NRXN3: variants seen among roughly 807,000 people sequenced by gnomAD.
NRXN3 encodes neurexin 3, also known as neurexin III.
A neutral mutation model predicts 137.6 loss-of-function variants in NRXN3; 32 were observed. The ratio of observed to expected loss-of-function variants is 0.23; its 90% CI spans 0.18 to 0.31. The LOEUF (loss-of-function observed/expected upper bound fraction) is 0.31. Among genes scored for constraint, NRXN3 ranks in the 10% least tolerant of loss-of-function variants. The pLI is 1.00. For synonymous variants in NRXN3, 798 were observed against 784.5 expected (o/e 1.02, Z -0.29); for missense variants, 1,574 against 2,062.5 (o/e 0.76, Z 4.59).
intron 20 of NRXN3, among the ~76,000 whole-genome samples, chr14:79,860,272 G>A (rs920009372): frequency 6.6e-6 from 1 of 152,162 alleles, no homozygotes; most frequent in African/African-American, 2.4e-5. Context: ...GGATATCTAG[G>A]CTGAGTATTT....
Position 78,300,807 on chromosome 14 carries a change from A to G in NRXN3, c.757+2947A>G, listed in dbSNP as rs2076797752. ...TCCAGATTATAAATTAATGCTTTTA[A>G]CAACAACTGAAAAATAAGAATAAAA... On this transcript the variant is annotated intron_variant, in intron 4 of 20. Coordinates refer to ENST00000335750, the MANE Select transcript of NRXN3 (RefSeq NM_001330195.2). 4 of 688,958 alleles carry G rather than the reference A, an allele frequency of 5.8e-6. No individual in the cohort carries two copies. The South Asian group carries it at 7.6e-5, about 13-fold the overall frequency. The allele number at this position is 688,958 out of a possible 1,614,324, so 42.7% of individuals were successfully genotyped here.
chr14:79,857,331 C>T (rs1039661622), intron 20 of NRXN3, among the ~76,000 whole-genome samples: 101 of 152,138 alleles, frequency 6.6e-4, no homozygotes, highest in Non-Finnish European at 1.2e-3. Flanking sequence ...ACGCCATTCT[C>T]CTGCCTCAGC....
At chr14:78,253,655 A>G (rs1295812068) in intron 2 of NRXN3, among the ~76,000 whole-genome samples, 1 of 152,184 alleles carries the variant, frequency 6.6e-6, no homozygotes, top group Non-Finnish European at 1.5e-5. Context: ...AGCCTGGGCA[A>G]CAGAGTGAGA....
At chr14:78,717,875 C>T (rs569170062) in intron 8 of NRXN3, among the ~76,000 whole-genome samples, 8 of 152,204 alleles carry the variant, frequency 5.3e-5, no homozygotes, top group African/African-American at 1.7e-4. Context: ...TGGCAGATGT[C>T]TATAGGGAAA....
In NRXN3 at chr14:79,321,681, T is replaced by C. The variant is rs1454310017; in HGVS notation, c.3263-145540T>C. Among the ~76,000 whole-genome samples the C allele has an allele frequency of 1.3e-5, 2 of 151,420 alleles. 1 individual carries two copies. Among genetic ancestry groups the C allele is most frequent in the Middle Eastern group, 6.4e-3 (2 of 312 alleles). ...ATAGTTCCTGGCATTGGGCAACTAG[T>C]ATAAGGAATGCTGCAAAAAAAATCC... On this transcript the variant is annotated intron_variant, in intron 15 of 20. Coordinates refer to ENST00000335750, the MANE Select transcript of NRXN3 (RefSeq NM_001330195.2).
chr14:79,608,783 T>G lies in NRXN3; in HGVS notation c.3445-54995T>G, dbSNP rs191724637. ...AAAAACACCTGTCCCCATTTGTTGA[T>G]TTTTTTTTTCCTGCATATACTTAAA... On this transcript the variant is annotated intron_variant, in intron 16 of 20. Coordinates refer to ENST00000335750, the MANE Select transcript of NRXN3 (RefSeq NM_001330195.2). Among the ~76,000 whole-genome samples, 558 of 150,368 alleles carry G rather than the reference T, an allele frequency of 3.7e-3. 3 individuals are homozygous for G. The highest frequency in any genetic ancestry group is 0.013 in the African/African-American group (532 of 40,978).
At chr14:79,051,259 T>C in intron 15 of NRXN3, among the ~76,000 whole-genome samples, 1 of 152,198 alleles carries the variant, frequency 6.6e-6, no homozygotes, top group African/African-American at 2.4e-5. Flanking sequence ...TGAAAACCTA[T>C]GAGTGACTAA....
chr14:79,018,698 A>G (rs1005816833), intron 15 of NRXN3, among the ~76,000 whole-genome samples: 4 of 152,208 alleles, frequency 2.6e-5, no homozygotes, highest in East Asian at 1.9e-4. Flanking sequence ...GCTGACTTCT[A>G]TGATTCTTTT....
chr14:79,669,420 G>A (rs2098593679), intron 17 of NRXN3, among the ~76,000 whole-genome samples: 1 of 152,092 alleles, frequency 6.6e-6, no homozygotes, highest in African/African-American at 2.4e-5. Flanking sequence ...ACTCAAACTA[G>A]TGTATCTTGA....
At position 78,656,781 on chromosome 14, in the gene NRXN3, C is replaced by T. The variant is rs889903289; in HGVS notation, c.1221+5455C>T. Among the ~76,000 whole-genome samples the T allele has an allele frequency of 1.3e-4, 20 of 152,206 alleles. No homozygotes were observed. In the South Asian group the frequency reaches 3.5e-3, roughly 27 times the overall value. On this transcript the variant is annotated intron_variant, in intron 6 of 20. Coordinates refer to ENST00000335750, the MANE Select transcript of NRXN3 (RefSeq NM_001330195.2). ...TCCCTCGGCCGAGTGCGGTGGCTTA[C>T]GCCTGTAATCCCAGAACTTTGGGAG... is the stretch of plus-strand genomic sequence containing the variant.
chr14:79,719,362 G>A (rs57279578), intron 19 of NRXN3, among the ~76,000 whole-genome samples: 1 of 97,984 alleles, frequency 1.0e-5, no homozygotes, highest in East Asian at 3.3e-4. Flanking sequence ...TATGTGTATT[G>A]TGTGTATGTG....
At chr14:79,747,314 A>G (rs2098982745) in intron 19 of NRXN3, among the ~76,000 whole-genome samples, 1 of 152,062 alleles carries the variant, frequency 6.6e-6, no homozygotes, top group East Asian at 1.9e-4. Context: ...CTTTTAAACC[A>G]GACGGTGACA....
intron 1 of NRXN3, among the ~76,000 whole-genome samples, chr14:78,173,805 C>CCATA: frequency 6.9e-6 from 1 of 144,534 alleles, no homozygotes; most frequent in East Asian, 2.1e-4. Context: ...GTCGGCACAT[C>CCATA]CACACACACA....
chr14:78,306,107 A>G (rs1456566660), intron 4 of NRXN3, among the ~76,000 whole-genome samples: 1 of 152,206 alleles, frequency 6.6e-6, no homozygotes, highest in African/African-American at 2.4e-5. Flanking sequence ...TGTGAACAGA[A>G]GATTTATTAA....
intron 16 of NRXN3, among the ~76,000 whole-genome samples, chr14:79,608,029 C>T (rs1290807994): frequency 1.3e-5 from 2 of 152,134 alleles, no homozygotes; most frequent in Non-Finnish European, 2.9e-5. Flanking sequence ...AAATTATTTC[C>T]CTCATGGAAC....
At chr14:79,087,785 A>G (rs1312548027) in intron 15 of NRXN3, among the ~76,000 whole-genome samples, 1 of 152,220 alleles carries the variant, frequency 6.6e-6, no homozygotes, top group Non-Finnish European at 1.5e-5. Context: ...CTCTTTGAGC[A>G]AGAAATATCA....
chr14:78,492,110 A>G (rs141050563), intron 4 of NRXN3, among the ~76,000 whole-genome samples: 5 of 152,284 alleles, frequency 3.3e-5, no homozygotes, highest in African/African-American at 4.8e-5. Flanking sequence ...TTTTATCTCT[A>G]TGATTAAACA....
Position 79,119,131 on chromosome 14 carries a change from G to A in NRXN3, c.3262+130990G>A, listed in dbSNP as rs535792015. ...AACTTCAACTCCAAATTTAGTATGG[G>A]TGATTTCTCATAACATTTCAAATAC... On this transcript the variant is annotated intron_variant, in intron 15 of 20. Transcript: ENST00000335750. Among the ~76,000 whole-genome samples the A allele has an allele frequency of 9.2e-5, 14 of 152,166 alleles. No homozygotes were observed. The South Asian group carries it at 2.9e-3, about 32-fold the overall frequency.
At chr14:79,621,312 A>C (rs1424842) in intron 16 of NRXN3, among the ~76,000 whole-genome samples, 1 of 152,082 alleles carries the variant, frequency 6.6e-6, no homozygotes, top group African/African-American at 2.4e-5. Flanking sequence ...GCAACCCTCA[A>C]TTTCAAAGAG....
Sources: allele counts gnomAD v4.1 joint callset (sites outside exome capture counted in the v4.1 genomes callset), GRCh38; gene constraint gnomAD v4.1.1; transcripts MANE v1.5; gene names NCBI Gene and HGNC (gene_info 2026-07-23, HGNC 2026-07-21).